The following CACHD1 variants were observed in gnomAD, a reference collection of about 807,000 sequenced individuals.
CACHD1 encodes VWFA and cache domain-containing protein 1.
Under a neutral mutation model 138.7 loss-of-function variants are expected in CACHD1, and 71 were observed. The observed-to-expected ratio is 0.51, with a 90% CI of 0.42 to 0.62. The LOEUF is 0.62. CACHD1 is among the 20% of genes least tolerant of loss of function. The probability of loss-of-function intolerance (pLI) is 0.00; values close to 1 mark genes in which losing one functional copy is unlikely to be tolerated. For missense variants in CACHD1, 1,389 were observed against 1,625.3 expected, an observed-to-expected ratio of 0.85 and a Z score of 2.50; for synonymous variants, 578 against 591.5, an observed-to-expected ratio of 0.98 and a Z score of 0.33.
rs907091712 is a variant in CACHD1, at chr1:64,679,491, C to T, written c.3245-104C>T. On this transcript the variant is annotated intron_variant, in intron 23 of 26. Transcript: ENST00000651257. ...CCTAACTAAGCATCTGTTTATCTTC[C>T]GCCAACCCCCTTCCCACTGTATTCC... 1.1e-5 allele frequency: 14 copies of T among 1,299,900 alleles called. No individual in the cohort carries two copies. In the Admixed American group the frequency reaches 1.6e-4, roughly 14 times the overall value. The allele number at this position is 1,299,900 out of a possible 1,614,324, so 80.5% of individuals were successfully genotyped here. A position where few individuals can be genotyped will look rare whatever the true frequency, so the allele number is the denominator to read the frequency against.
chr1:64,645,605 A>G (rs2100668181), intron 8 of CACHD1, among the ~76,000 whole-genome samples: 1 of 152,344 alleles, frequency 6.6e-6, no homozygotes, highest in African/African-American at 2.4e-5. Flanking sequence ...CAGAAAGTTT[A>G]GTAACCAGGT....
chr1:64,650,318 C>T (rs374298037), intron 9 of CACHD1, among the ~76,000 whole-genome samples: 32 of 152,226 alleles, frequency 2.1e-4, no homozygotes, highest in African/African-American at 7.7e-4. Context: ...TGGCTTTAAT[C>T]CTAGACTAAA....
chr1:64,681,550 T>TTTTTTTTTGTTTG (rs1650188211), intron 25 of CACHD1, among the ~76,000 whole-genome samples: 1 of 115,130 alleles, frequency 8.7e-6, no homozygotes, highest in South Asian at 2.7e-4. Context: ...TGTTTTTTTT[T>TTTTTTTTTGTTTG]TTTTTTTTTT....
At chr1:64,475,927 G>A (rs151133061) in intron 1 of CACHD1, among the ~76,000 whole-genome samples, 44 of 152,298 alleles carry the variant, frequency 2.9e-4, no homozygotes, top group African/African-American at 9.4e-4. Context: ...GGTGGTTAGC[G>A]AGAGACATAG....
At chr1:64,690,973 G>A (rs1318163893) in intron 26 of CACHD1, among the ~76,000 whole-genome samples, 1 of 152,184 alleles carries the variant, frequency 6.6e-6, no homozygotes, top group Non-Finnish European at 1.5e-5. Flanking sequence ...TAGGTCCCCA[G>A]TGGTGGCTCG....
At chr1:64,490,893 A>G (rs1646270925) in intron 1 of CACHD1, among the ~76,000 whole-genome samples, 1 of 152,236 alleles carries the variant, frequency 6.6e-6, no homozygotes, top group Non-Finnish European at 1.5e-5. Flanking sequence ...ATGCAGAGCA[A>G]CATTTTCTCT....
chr1:64,681,328 A>C lies in CACHD1; in HGVS notation c.3477A>C (p.Arg1159Ser), dbSNP rs749442926. Residue 1159 changes from arginine (R) to serine (S), a missense_variant, in exon 25 of 27, where the codon AGA (arginine) becomes AGC (serine). Coordinates refer to ENST00000651257, the MANE Select transcript of CACHD1 (RefSeq NM_020925.4). ...GGGACGACGACAGCCACGAAGACAG[A>C]GGCATCAGTGAGTATTCAGCTGCCT... ...DERDDDSHED[R>S]GIISNTRFIA... The C allele has an allele frequency of 6.2e-7, 1 of 1,613,152 alleles. No homozygotes were observed. Among genetic ancestry groups the C allele is most frequent in the Non-Finnish European group, 8.5e-7 (1 of 1,179,258 alleles).
intron 4 of CACHD1, among the ~76,000 whole-genome samples, chr1:64,624,896 C>T (rs909706982): frequency 6.6e-6 from 1 of 152,198 alleles, no homozygotes; most frequent in Non-Finnish European, 1.5e-5. Flanking sequence ...GTATATTTTG[C>T]ATATCTTTGT....
intron 26 of CACHD1, among the ~76,000 whole-genome samples, chr1:64,684,365 T>TC (rs1348735354): frequency 5.8e-5 from 7 of 120,386 alleles, no homozygotes; most frequent in South Asian, 4.5e-4. Flanking sequence ...TTCTTCTTCT[T>TC]TTTTTTTTTT....
At chr1:64,570,499 A>G (rs1409313530) in intron 2 of CACHD1, among the ~76,000 whole-genome samples, 2 of 152,096 alleles carry the variant, frequency 1.3e-5, no homozygotes, top group Non-Finnish European at 1.5e-5. Flanking sequence ...CAGGCCTACC[A>G]TGGCACCAGC....
intron 1 of CACHD1, among the ~76,000 whole-genome samples, chr1:64,525,960 G>A (rs1646535484): frequency 6.6e-6 from 1 of 152,182 alleles, no homozygotes; most frequent in Admixed American, 6.5e-5. Flanking sequence ...AGATGATCCA[G>A]GACCTGGAAA....
intron 3 of CACHD1, among the ~76,000 whole-genome samples, chr1:64,597,550 T>TTA (rs1488956653): frequency 1.0e-5 from 1 of 99,756 alleles, no homozygotes; most frequent in African/African-American, 3.0e-5. Context: ...TTTTTTTTTT[T>TTA]AACTTACAGG....
intron 4 of CACHD1, among the ~76,000 whole-genome samples, chr1:64,622,730 G>C (rs947699706): frequency 6.6e-6 from 1 of 152,126 alleles, no homozygotes; most frequent in African/African-American, 2.4e-5. Flanking sequence ...TGTTAGTTCT[G>C]CATCTATAAA....
In CACHD1 at chr1:64,641,953, C is replaced by T; in HGVS notation, c.1140C>T (p.Thr380=). The part of the protein sequence containing the change: ...SFLNNSVMIL[T]YALMNDGVTG... ...TAAACAACTCTGTAATGATTCTCACCTATGCCCTCATGAACGGTAGGTAGA... is the reference window on the plus strand; with the variant it reads ...TAAACAACTCTGTAATGATTCTCACTTATGCCCTCATGAACGGTAGGTAGA... The change falls in exon 8 of 27, where the codon ACC becomes ACT. Residue 380 remains threonine, a synonymous_variant. Transcript: ENST00000651257. 6.3e-7 allele frequency: 1 copy of T among 1,586,496 alleles called. No homozygotes were observed. Among genetic ancestry groups the T allele is most frequent in the East Asian group, 2.3e-5 (1 of 43,566 alleles).
intron 6 of CACHD1, 26 bp from the exon 7 acceptor site, chr1:64,634,018 G>GTTTTTTTTTTTTTTTTTTTTTTTT: frequency 2.5e-6 from 3 of 1,204,898 alleles, no homozygotes; most frequent in Non-Finnish European, 2.3e-6. Context: ...AAGTTTGGTG[G>GTTTTTTTTTTTTTTTTTTTTTTTT]TTTTTTTTTT....
chr1:64,491,937 TG>T (rs1646278876), intron 1 of CACHD1, among the ~76,000 whole-genome samples: 3 of 141,426 alleles, frequency 2.1e-5, no homozygotes, highest in African/African-American at 3.0e-5. Context: ...TTTGTTTGTT[TG>T]TTTTTTGTTT....
chr1:64,537,789 T>C (rs1028377734), intron 1 of CACHD1, among the ~76,000 whole-genome samples: 2 of 152,196 alleles, frequency 1.3e-5, no homozygotes, highest in African/African-American at 4.8e-5. Flanking sequence ...TATACTTTCA[T>C]TGAGCCTCAC....
At chr1:64,681,541 G>GT (rs57993424) in intron 25 of CACHD1, among the ~76,000 whole-genome samples, 2,753 of 67,828 alleles carry the variant, frequency 0.041, 82 homozygotes, top group Non-Finnish European at 0.055. Flanking sequence ...ATTTTATTGT[G>GT]TTTTTTTTTT....
intron 11 of CACHD1, 135 bp downstream of exon 11, chr1:64,654,016 A>G (rs1342900099): frequency 1.3e-6 from 1 of 778,386 alleles, no homozygotes; most frequent in South Asian, 2.8e-5. Flanking sequence ...ATTCTCAGTA[A>G]TGTTTCCGTA....
Sources: gnomAD v4.1 joint callset for allele counts (sites outside exome capture counted in the v4.1 genomes callset) on GRCh38, gnomAD v4.1.1 for gene constraint, MANE v1.5 for transcripts, NCBI Gene and HGNC (gene_info 2026-07-23, HGNC 2026-07-21) for gene names.